ZNF713: variants seen among roughly 807,000 people sequenced by gnomAD.
The protein encoded by ZNF713 is zinc finger protein 713.
Under a neutral mutation model 28.7 loss-of-function variants are expected in ZNF713, and 21 were observed. The observed-to-expected ratio is 0.73, with a 90% CI of 0.52 to 1.05. ZNF713 has a LOEUF of 1.05. Ranked by LOEUF, ZNF713 falls within the 50% of genes least tolerant of loss-of-function variation. ZNF713 has a pLI of 0.00. For missense variants in ZNF713, 458 were observed against 532.4 expected, an observed-to-expected ratio of 0.86 and a Z score of 1.37; for synonymous variants, 167 against 178.0, an observed-to-expected ratio of 0.94 and a Z score of 0.49.
chr7:55,894,553 A>G (rs978556870), intron 1 of ZNF713, among the ~76,000 whole-genome samples: 1 of 152,240 alleles, frequency 6.6e-6, no homozygotes, highest in Admixed American at 6.5e-5. Context: ...ACATTGGTTA[A>G]TGGTCTCATG....
chr7:55,908,165 T>G lies in ZNF713; in HGVS notation c.-456+1786T>G, dbSNP rs557215346. Among the ~76,000 whole-genome samples the G allele has an allele frequency of 8.0e-4, 101 of 125,854 alleles. No individual in the cohort carries two copies. In the South Asian group the frequency reaches 9.3e-3, roughly 12 times the overall value. 82.6% of individuals were successfully genotyped at this position (125,854 alleles called of 152,430 possible). On this transcript the variant is annotated intron_variant, in intron 2 of 6. Transcript: ENST00000429591. ...TTTTTTTTTTTTTTTTTTTTTGAGA[T>G]GGAGTCTTGCCATGTCGCCCAGGCT...
Position 55,900,905 on chromosome 7 carries a change from A to G in ZNF713, c.-582-5348A>G, listed in dbSNP as rs953754100. On this transcript the variant is annotated intron_variant, in intron 1 of 6. Coordinates refer to ENST00000429591, the MANE Select transcript of ZNF713 (RefSeq NM_182633.3). ...AGGCTGGTCTCGAACTCCTGACCTC[A>G]AGTGATCCACCCACCTTGGCCTCCC... Among the ~76,000 whole-genome samples, 9 of 152,148 alleles carry G rather than the reference A, an allele frequency of 5.9e-5. 1 individual carries two copies. Among genetic ancestry groups the G allele is most frequent in the South Asian group, 4.1e-4 (2 of 4,824 alleles).
chr7:55,888,301 C>T (rs550967941), intron 1 of ZNF713, among the ~76,000 whole-genome samples: 1 of 152,184 alleles, frequency 6.6e-6, no homozygotes, highest in South Asian at 2.1e-4. Context: ...TGCTGTTATC[C>T]GTTGAGTCAC....
chr7:55,918,131 T>C (rs148306432), intron 4 of ZNF713: 1 of 456,714 alleles, frequency 2.2e-6, no homozygotes, highest in East Asian at 7.0e-5. Flanking sequence ...AGATCATAAA[T>C]GGCAGTAAGA....
rs1466076488 is a variant in ZNF713, at chr7:55,940,007, C to T, written c.*1C>T. The T allele has an allele frequency of 6.4e-7, 1 of 1,554,634 alleles. No individual in the cohort carries two copies. Among genetic ancestry groups the T allele is most frequent in the South Asian group, 1.2e-5 (1 of 81,010 alleles). ...CAGTCCTTCATTTAGCAGCACATAA[C>T]TTATGGTGGGGGAAATCAGATAAAT... On this transcript the variant is annotated 3_prime_UTR_variant, in exon 7 of 7. Transcript: ENST00000429591.
At chr7:55,897,294 A>G (rs1785491207) in intron 1 of ZNF713, among the ~76,000 whole-genome samples, 1 of 149,370 alleles carries the variant, frequency 6.7e-6, no homozygotes, top group African/African-American at 2.5e-5. Context: ...TCTTTCACCT[A>G]GGGTGGAGTG....
In ZNF713 at chr7:55,887,625, GCGGCGGCGGCGGCGT is replaced by G. The variant is rs1256811054; in HGVS notation, c.-636_-622del. ...CGCGGCGGCGGCGGCGGCGGCGGCG[GCGGCGGCGGCGGCGT>G]CAGGGGGCGGAGCCTGCCGAAGCGC... On this transcript the variant is annotated 5_prime_UTR_variant, in exon 1 of 7. Transcript: ENST00000429591. 5.2e-6 allele frequency: 1 copy of G among 192,250 alleles called. No homozygotes were observed. Among genetic ancestry groups the G allele is most frequent in the African/African-American group, 2.4e-5 (1 of 41,008 alleles). The allele number at this position is 192,250 out of a possible 1,614,324, so 11.9% of individuals were successfully genotyped here. A position where few individuals can be genotyped will look rare whatever the true frequency, so the allele number is the denominator to read the frequency against.
chr7:55,902,807 T>C (rs894238127), intron 1 of ZNF713, among the ~76,000 whole-genome samples: 3 of 151,924 alleles, frequency 2.0e-5, no homozygotes, highest in African/African-American at 7.3e-5. Flanking sequence ...AGAACATTAG[T>C]GAAATGTGAA....
chr7:55,917,933 T>C, intron 4 of ZNF713: 2 of 419,120 alleles, frequency 4.8e-6, no homozygotes, highest in Admixed American at 2.5e-5. Flanking sequence ...ACAGACACTC[T>C]TACACTGCTG....
chr7:55,920,452 A>G (rs1461674330), intron 4 of ZNF713, among the ~76,000 whole-genome samples: 1 of 152,268 alleles, frequency 6.6e-6, no homozygotes, highest in Non-Finnish European at 1.5e-5. Context: ...AGATCAAACC[A>G]GCCACAACAT....
intron 6 of ZNF713, among the ~76,000 whole-genome samples, chr7:55,927,914 A>AAAAAAAAAAAAAAAAAC (rs1786133100): frequency 1.3e-5 from 2 of 149,814 alleles, no homozygotes; most frequent in Non-Finnish European, 3.0e-5. Flanking sequence ...AAAAAAAAAA[A>AAAAAAAAAAAAAAAAAC]AAAAAAGCCA....
chr7:55,922,368 C>A (rs989217148), intron 4 of ZNF713, among the ~76,000 whole-genome samples: 1 of 149,518 alleles, frequency 6.7e-6, no homozygotes, highest in African/African-American at 2.5e-5. Flanking sequence ...CATGGTGAAA[C>A]CCTGTCTCCA....
intron 1 of ZNF713, among the ~76,000 whole-genome samples, chr7:55,895,572 G>A (rs1356846174): frequency 4.2e-5 from 6 of 141,924 alleles, no homozygotes; most frequent in South Asian, 2.3e-4. Flanking sequence ...GGTTTCAAGC[G>A]ATTCTCCTGC....
At chr7:55,897,904 G>A (rs1785503006) in intron 1 of ZNF713, among the ~76,000 whole-genome samples, 1 of 152,182 alleles carries the variant, frequency 6.6e-6, no homozygotes, top group Non-Finnish European at 1.5e-5. Flanking sequence ...GATGATAGAA[G>A]CGTCTTTTGC....
At position 55,912,741 on chromosome 7, in the gene ZNF713, C is replaced by G; in HGVS notation, c.87+18C>G. The G allele has an allele frequency of 6.2e-7, 1 of 1,600,382 alleles. No homozygotes were observed. The highest frequency in any genetic ancestry group is 8.6e-7 in the Non-Finnish European group (1 of 1,168,614). ...GATCTCAGGTAAGTTCAGTTTTCCTCTCCTCTGAAATGCCAGTGTTCTCAG... is the reference window on the plus strand; with the variant it reads ...GATCTCAGGTAAGTTCAGTTTTCCTGTCCTCTGAAATGCCAGTGTTCTCAG... On this transcript the variant is annotated intron_variant, in intron 4 of 6. Transcript: ENST00000429591.
chr7:55,922,862 A>G (rs1786018421), intron 4 of ZNF713, among the ~76,000 whole-genome samples: 1 of 152,178 alleles, frequency 6.6e-6, no homozygotes, highest in South Asian at 2.1e-4. Flanking sequence ...AACTGAACCC[A>G]CAATATCTCT....
In ZNF713 at chr7:55,914,940, C is replaced by T. The variant is rs144721770; in HGVS notation, c.87+2217C>T. ...CACAATCTCGGCTCACTACAACCTC[C>T]GCCTCCCGGGTTCAAGTGATTCTCC... On this transcript the variant is annotated intron_variant, in intron 4 of 6. Coordinates refer to ENST00000429591, the MANE Select transcript of ZNF713 (RefSeq NM_182633.3). Among the ~76,000 whole-genome samples the T allele has an allele frequency of 5.4e-3, 826 of 152,250 alleles. 3 individuals carry two copies. Among genetic ancestry groups the T allele is most frequent in the Non-Finnish European group, 8.6e-3 (585 of 68,020 alleles).
At chr7:55,922,289 C>T (rs890690285) in intron 4 of ZNF713, among the ~76,000 whole-genome samples, 18 of 151,908 alleles carry the variant, frequency 1.2e-4, no homozygotes, top group African/African-American at 4.1e-4. Context: ...GCCTGTAATC[C>T]CAGCACTTTG....
intron 1 of ZNF713, among the ~76,000 whole-genome samples, chr7:55,892,555 C>CAAAAAAAAAAAAAAAAAAA (rs56338467): frequency 2.8e-4 from 21 of 74,354 alleles, no homozygotes; most frequent in Non-Finnish European, 3.7e-4. Flanking sequence ...AAGCACTGAC[C>CAAAAAAAAAAAAAAAAAAA]AAAAAAAAAA....
Sources: gnomAD v4.1 joint callset for allele counts (sites outside exome capture counted in the v4.1 genomes callset) on GRCh38, gnomAD v4.1.1 for gene constraint, MANE v1.5 for transcripts, NCBI Gene and HGNC (gene_info 2026-07-23, HGNC 2026-07-21) for gene names.